The following PCDH9 variants were observed in gnomAD, a reference collection of about 807,000 sequenced individuals.
PCDH9 encodes the protein protocadherin 9, also known as protocadherin-9.
A neutral mutation model predicts 70.6 loss-of-function variants in PCDH9; 24 were observed. The ratio of observed to expected loss-of-function variants is 0.34; its 90% CI spans 0.25 to 0.48. PCDH9 has a LOEUF of 0.48. Among genes scored for constraint, PCDH9 ranks in the 20% least tolerant of loss-of-function variants. The probability of loss-of-function intolerance (pLI) is 0.99; values close to 1 mark genes in which losing one functional copy is unlikely to be tolerated. For missense variants in PCDH9, 1,281 were observed against 1,503.6 expected, an observed-to-expected ratio of 0.85 and a Z score of 2.45; for synonymous variants, 562 against 558.5, an observed-to-expected ratio of 1.01 and a Z score of -0.09.
chr13:66,539,734 T>A (rs371048293), intron 4 of PCDH9, among the ~76,000 whole-genome samples: 1 of 152,128 alleles, frequency 6.6e-6, no homozygotes, highest in Non-Finnish European at 1.5e-5. Context: ...ATTATTTTTG[T>A]AAACACAAAA....
chr13:66,810,564 T>A (rs189340152), intron 3 of PCDH9, among the ~76,000 whole-genome samples: 23 of 152,130 alleles, frequency 1.5e-4, no homozygotes, highest in African/African-American at 5.3e-4. Context: ...TTAATATTGC[T>A]TATGCTACTT....
At chr13:66,663,551 G>A (rs1283930155) in intron 3 of PCDH9, among the ~76,000 whole-genome samples, 2 of 152,142 alleles carry the variant, frequency 1.3e-5, no homozygotes, top group African/African-American at 4.8e-5. Context: ...CTAAAATGTT[G>A]TTAATTATAT....
At chr13:66,395,261 A>T (rs1957082775) in intron 4 of PCDH9, among the ~76,000 whole-genome samples, 1 of 152,208 alleles carries the variant, frequency 6.6e-6, no homozygotes, top group Non-Finnish European at 1.5e-5. Flanking sequence ...ACATTCAAAA[A>T]TCTTCTGCTC....
At chr13:66,649,683 C>T (rs368016969) in intron 3 of PCDH9, among the ~76,000 whole-genome samples, 14 of 151,876 alleles carry the variant, frequency 9.2e-5, no homozygotes, top group Admixed American at 2.6e-4. Flanking sequence ...ACTGTTCTTG[C>T]GGTGTTTAAA....
intron 4 of PCDH9, among the ~76,000 whole-genome samples, chr13:66,378,913 G>C (rs956581341): frequency 6.6e-6 from 1 of 152,154 alleles, no homozygotes; most frequent in East Asian, 1.9e-4. Context: ...TGCTGAATTA[G>C]AAAGATGACA....
intron 3 of PCDH9, among the ~76,000 whole-genome samples, chr13:66,658,653 G>A (rs994980711): frequency 6.6e-6 from 1 of 151,998 alleles, no homozygotes; most frequent in Non-Finnish European, 1.5e-5. Context: ...ATACATTCTA[G>A]GTTCAGGACA....
At chr13:66,825,892 AT>A (rs1176360228) in intron 3 of PCDH9, among the ~76,000 whole-genome samples, 1 of 152,134 alleles carries the variant, frequency 6.6e-6, no homozygotes, top group African/African-American at 2.4e-5. Context: ...GTTATTCCTA[AT>A]TTTTTTAAAA....
chr13:66,671,216 T>C (rs1278251939), intron 3 of PCDH9, among the ~76,000 whole-genome samples: 1 of 152,206 alleles, frequency 6.6e-6, no homozygotes, highest in Non-Finnish European at 1.5e-5. Context: ...TGTGGAACTG[T>C]GAGTCCATTA....
chr13:67,041,612 A>G (rs2139908272), intron 2 of PCDH9, among the ~76,000 whole-genome samples: 1 of 152,184 alleles, frequency 6.6e-6, no homozygotes, highest in East Asian at 1.9e-4. Flanking sequence ...GAGGTGGATC[A>G]CGAGGTCAGG....
In PCDH9 at chr13:66,796,876, C is replaced by A. The variant is rs79677899; in HGVS notation, c.3138+106628G>T. Among the ~76,000 whole-genome samples the A allele has an allele frequency of 8.3e-3, 1,254 of 151,826 alleles. 16 individuals carry two copies. The highest frequency in any genetic ancestry group is 0.028 in the African/African-American group (1,177 of 41,434). ...TTAGGAGAAGTAGGGAAATGCTAGG[C>A]AAGATTATAAAAAAGAAGTAAATTT... is the stretch of plus-strand genomic sequence containing the variant. On this transcript the variant is annotated intron_variant, in intron 3 of 4. Coordinates refer to ENST00000377865, the MANE Select transcript of PCDH9 (RefSeq NM_203487.3).
At chr13:66,319,219 C>T (rs186183496) in intron 4 of PCDH9, among the ~76,000 whole-genome samples, 123 of 152,144 alleles carry the variant, frequency 8.1e-4, no homozygotes, top group African/African-American at 2.8e-3. Flanking sequence ...AACTCACTAT[C>T]ATGGCAATAG....
At chr13:66,417,838 C>A (rs1957489063) in intron 4 of PCDH9, among the ~76,000 whole-genome samples, 1 of 152,174 alleles carries the variant, frequency 6.6e-6, no homozygotes, top group Non-Finnish European at 1.5e-5. Context: ...CCTTCGCCTA[C>A]TTTTTGATGA....
At chr13:66,443,540 A>C (rs770764050) in intron 4 of PCDH9, among the ~76,000 whole-genome samples, 1 of 152,166 alleles carries the variant, frequency 6.6e-6, no homozygotes, top group Non-Finnish European at 1.5e-5. Flanking sequence ...ACAACATTCT[A>C]ATAAAACTAA....
chr13:67,028,168 C>G (rs1022563021), intron 2 of PCDH9, among the ~76,000 whole-genome samples: 1 of 147,786 alleles, frequency 6.8e-6, no homozygotes, highest in Admixed American at 6.8e-5. Context: ...TGGAAACAAC[C>G]CAAATGTCCA....
intron 3 of PCDH9, among the ~76,000 whole-genome samples, chr13:66,644,909 T>A (rs919794909): frequency 6.6e-6 from 1 of 152,108 alleles, no homozygotes. Flanking sequence ...GAAATGCTCC[T>A]CATATTAGAA....
At chr13:66,979,385 C>A (rs2083691071) in intron 2 of PCDH9, among the ~76,000 whole-genome samples, 2 of 152,142 alleles carry the variant, frequency 1.3e-5, no homozygotes, top group South Asian at 4.1e-4. Context: ...TGTAAATCTA[C>A]ATGGTTCTGA....
At chr13:66,591,469 A>G (rs2077038765) in intron 4 of PCDH9, among the ~76,000 whole-genome samples, 1 of 151,608 alleles carries the variant, frequency 6.6e-6, no homozygotes, top group African/African-American at 2.4e-5. Flanking sequence ...ATCTAAAAAA[A>G]AAACAAAAAA....
chr13:67,097,397 G>T (rs2086343328), intron 2 of PCDH9, among the ~76,000 whole-genome samples: 1 of 151,904 alleles, frequency 6.6e-6, no homozygotes, highest in Non-Finnish European at 1.5e-5. Flanking sequence ...GCATTACAAA[G>T]CAAATGACAT....
At chr13:66,658,158 T>C (rs1459598209) in intron 3 of PCDH9, among the ~76,000 whole-genome samples, 1 of 152,150 alleles carries the variant, frequency 6.6e-6, no homozygotes, top group African/African-American at 2.4e-5. Context: ...AGTCCCCCGA[T>C]TGTACTAGTA....
Sources: allele counts gnomAD v4.1 joint callset (sites outside exome capture counted in the v4.1 genomes callset), GRCh38; gene constraint gnomAD v4.1.1; transcripts MANE v1.5; gene names NCBI Gene and HGNC (gene_info 2026-07-23, HGNC 2026-07-21).